DOCK3: variants seen among roughly 807,000 people sequenced by gnomAD.
DOCK3 encodes dedicator of cytokinesis 3.
In DOCK3, 60 loss-of-function variants were observed where a neutral mutation model predicts 265.6. That is an observed-to-expected ratio of 0.23 (90% confidence interval 0.18 to 0.28). The LOEUF (loss-of-function observed/expected upper bound fraction) is 0.28, where lower values mean the gene tolerates loss of function less well. Ranked by LOEUF, DOCK3 falls within the 10% of genes least tolerant of loss-of-function variation. The pLI is 1.00. For missense variants in DOCK3, 1,981 were observed against 2,594.3 expected, an observed-to-expected ratio of 0.76 and a Z score of 5.14; for synonymous variants, 881 against 938.0, an observed-to-expected ratio of 0.94 and a Z score of 1.11.
chr3:50,725,671 A>C (rs1335140280), intron 1 of DOCK3, among the ~76,000 whole-genome samples: 1 of 152,178 alleles, frequency 6.6e-6, no homozygotes, highest in African/African-American at 2.4e-5. Flanking sequence ...TGGTGGCAGC[A>C]ATGGGGATAG....
intron 5 of DOCK3, among the ~76,000 whole-genome samples, chr3:51,046,058 G>A (rs1439937803): frequency 3.3e-5 from 5 of 151,886 alleles, no homozygotes; most frequent in African/African-American, 1.2e-4. Context: ...TTTTACAAAA[G>A]CCTAATGGTA....
At chr3:50,729,322 CAAA>C (rs1271946003) in intron 1 of DOCK3, among the ~76,000 whole-genome samples, 2 of 126,954 alleles carry the variant, frequency 1.6e-5, no homozygotes, top group Non-Finnish European at 1.7e-5. Context: ...GACCTGTCTC[CAAA>C]AAAAAAAAAA....
chr3:51,158,587 A>G (rs1465774044), intron 10 of DOCK3, among the ~76,000 whole-genome samples: 2 of 152,234 alleles, frequency 1.3e-5, no homozygotes, highest in African/African-American at 4.8e-5. Flanking sequence ...AATGATTTTC[A>G]TAACTCTTTG....
At chr3:51,379,702 CCA>C in intron 51 of DOCK3, 3 of 900,524 alleles carry the variant, frequency 3.3e-6, no homozygotes, top group Non-Finnish European at 4.0e-6. Flanking sequence ...CAAAACACCC[CCA>C]CCACAGGAAG....
At chr3:50,970,156 A>T (rs777567152) in intron 5 of DOCK3, among the ~76,000 whole-genome samples, 83 of 152,326 alleles carry the variant, frequency 5.4e-4, no homozygotes, top group Non-Finnish European at 1.1e-3. Context: ...TCTGCCGAGA[A>T]GTCTGCTGTC....
chr3:50,679,125 T>C lies in DOCK3; in HGVS notation c.37+3825T>C, dbSNP rs531640765. ...ACTGCGCCCAGCCTTGCCTGGCTAA[T>C]TTTTAAATTTTAATTAAAAAAAATT... On this transcript the variant is annotated intron_variant, in intron 1 of 52. Coordinates refer to ENST00000266037, the MANE Select transcript of DOCK3 (RefSeq NM_004947.5). Among the ~76,000 whole-genome samples, 10 of 152,296 alleles carry C rather than the reference T, an allele frequency of 6.6e-5. No homozygotes were observed. In the East Asian group the frequency reaches 1.9e-3, roughly 29 times the overall value.
chr3:51,324,309 C>T (rs2083940740), intron 32 of DOCK3, among the ~76,000 whole-genome samples: 1 of 152,192 alleles, frequency 6.6e-6, no homozygotes, highest in African/African-American at 2.4e-5. Context: ...TATGAGTGAA[C>T]TCCCATTCAC....
chr3:50,941,956 A>G (rs1480529448), intron 5 of DOCK3, among the ~76,000 whole-genome samples: 1 of 152,086 alleles, frequency 6.6e-6, no homozygotes, highest in Non-Finnish European at 1.5e-5. Flanking sequence ...TGGTGATGGC[A>G]CAGTTCTGAG....
In DOCK3 at chr3:51,270,826, C is replaced by T. The variant is rs764592010; in HGVS notation, c.2367C>T (p.Leu789=). ...ATTTGCTTCTGCAGGCTGCACTCCT[C>T]AATTCTTTCCCAACCATCTTTGATG... ...ETLLFTQAAL[L]NSFPTIFDEL... The change falls in exon 24 of 53, where the codon CTC becomes CTT. Residue 789 remains leucine (L), a synonymous_variant. Transcript: ENST00000266037. 1.2e-5 allele frequency: 19 copies of T among 1,613,704 alleles called. 1 individual carries two copies. The South Asian group carries it at 2.1e-4, about 18-fold the overall frequency.
At chr3:50,853,915 A>G (rs2046455443) in intron 3 of DOCK3, among the ~76,000 whole-genome samples, 2 of 151,148 alleles carry the variant, frequency 1.3e-5, no homozygotes, top group Non-Finnish European at 2.9e-5. Context: ...GGCTGAACTA[A>G]TTACATTCCC....
At chr3:51,293,426 T>C (rs1214806756) in intron 27 of DOCK3, among the ~76,000 whole-genome samples, 1 of 152,076 alleles carries the variant, frequency 6.6e-6, no homozygotes, top group Non-Finnish European at 1.5e-5. Context: ...ATAAACCATA[T>C]ACAGAAGAAT....
At chr3:50,873,649 C>T (rs2047543151) in intron 3 of DOCK3, among the ~76,000 whole-genome samples, 1 of 152,186 alleles carries the variant, frequency 6.6e-6, no homozygotes, top group African/African-American at 2.4e-5. Context: ...GCCTAAACTG[C>T]CTTTTAAATT....
Position 51,307,891 on chromosome 3 carries a change from G to GT in DOCK3, c.2923-2331dup, listed in dbSNP as rs1434914326. Among the ~76,000 whole-genome samples, 90 of 136,116 alleles carry GT rather than the reference G, an allele frequency of 6.6e-4. 1 individual carries two copies. In the Middle Eastern group the frequency reaches 0.011, roughly 17 times the overall value. 89.3% of individuals were successfully genotyped at this position (136,116 alleles called of 152,430 possible). On this transcript the variant is annotated intron_variant, in intron 27 of 52. Coordinates refer to ENST00000266037, the MANE Select transcript of DOCK3 (RefSeq NM_004947.5). Reference sequence around the variant, plus strand: ...TTAAATTATATGGGTTTTTTTTTTTGTTTTTTTTTTCTCTCCAACAAATGC... The same window carrying GT: ...TTAAATTATATGGGTTTTTTTTTTTGTTTTTTTTTTTCTCTCCAACAAATGC...
chr3:50,822,385 A>G (rs528315010), intron 2 of DOCK3, among the ~76,000 whole-genome samples: 3 of 152,292 alleles, frequency 2.0e-5, no homozygotes, highest in South Asian at 4.1e-4. Context: ...TAAATTGGTT[A>G]TCAGTTCCAA....
At chr3:51,171,217 A>G (rs1167954078) in intron 12 of DOCK3, among the ~76,000 whole-genome samples, 1 of 152,052 alleles carries the variant, frequency 6.6e-6, no homozygotes, top group Non-Finnish European at 1.5e-5. Context: ...TGCATGCCTT[A>G]AGTCTTGATA....
chr3:51,323,494 A>G (rs748375136), intron 32 of DOCK3, among the ~76,000 whole-genome samples: 2 of 152,360 alleles, frequency 1.3e-5, no homozygotes, highest in South Asian at 4.1e-4. Context: ...AATGGAAATC[A>G]TAACAAACAG....
At chr3:51,285,503 T>G (rs1447025475) in intron 27 of DOCK3, among the ~76,000 whole-genome samples, 1 of 151,374 alleles carries the variant, frequency 6.6e-6, no homozygotes, top group Admixed American at 6.6e-5. Flanking sequence ...ATCATAGAGC[T>G]GAAGAATACT....
chr3:51,190,044 A>G (rs1360312743), intron 12 of DOCK3, among the ~76,000 whole-genome samples: 3 of 152,300 alleles, frequency 2.0e-5, no homozygotes, highest in African/African-American at 7.2e-5. Context: ...CTGTTGGGGT[A>G]CAGCCACAGA....
intron 14 of DOCK3, among the ~76,000 whole-genome samples, chr3:51,219,256 T>G (rs560818228): frequency 6.6e-6 from 1 of 152,356 alleles, no homozygotes; most frequent in South Asian, 2.1e-4. Context: ...TTTTCGCCCC[T>G]TTCTTTCTGA....
Sources: allele counts gnomAD v4.1 joint callset (sites outside exome capture counted in the v4.1 genomes callset), GRCh38; gene constraint gnomAD v4.1.1; transcripts MANE v1.5; gene names NCBI Gene and HGNC (gene_info 2026-07-23, HGNC 2026-07-21).